The following AGAP1 variants were observed in gnomAD, a reference collection of about 807,000 sequenced individuals.
AGAP1 encodes the protein ArfGAP with GTPase domain, ankyrin repeat and PH domain 1, also known as arf-GAP with GTPase, ANK repeat and PH domain-containing protein 1.
AGAP1 carries 29 observed loss-of-function variants against 105.3 expected under a neutral mutation model. That is an observed-to-expected ratio of 0.28 (90% CI 0.21 to 0.38). The LOEUF (loss-of-function observed/expected upper bound fraction) is 0.38, where lower values mean the gene tolerates loss of function less well. Among genes scored for constraint, AGAP1 ranks in the 10% least tolerant of loss-of-function variants. The pLI, the probability that AGAP1 is intolerant of heterozygous loss-of-function variation, is 1.00. For missense variants in AGAP1, 998 were observed against 1,165.1 expected (o/e 0.86, Z 2.09); for synonymous variants, 509 against 485.9 (o/e 1.05, Z -0.63).
Position 235,799,372 on chromosome 2 carries a change from T to C in AGAP1, c.807T>C (p.Ser269=). 6.2e-7 allele frequency: 1 copy of C among 1,614,024 alleles called. No homozygotes were observed. Among genetic ancestry groups the C allele is most frequent in the Non-Finnish European group, 8.5e-7 (1 of 1,179,970 alleles). Residue 269 remains serine, a synonymous_variant, in exon 8 of 18, where the codon AGT becomes AGC. Transcript: ENST00000304032. This position sits in a 1 kb window ranked among gnomAD's most constrained non-coding sequence, Gnocchi z 5.0. The part of the protein sequence containing the change: ...QVSAVHISQT[S]NGGGSLSDYS... Reference sequence around the variant, plus strand: ...TTGGATTTTAATCATTTCAGACAAGTAATGGAGGTGGGAGTTTAAGCGACT... The same window carrying C: ...TTGGATTTTAATCATTTCAGACAAGCAATGGAGGTGGGAGTTTAAGCGACT...
rs769745926 is a variant in AGAP1, at chr2:235,895,808, TC to T, written c.1155+12361del. Among the ~76,000 whole-genome samples, 169 of 152,188 alleles carry T rather than the reference TC, an allele frequency of 1.1e-3. 1 individual carries two copies. The highest frequency in any genetic ancestry group is 3.9e-4 in the East Asian group (2 of 5,160). On this transcript the variant is annotated intron_variant, in intron 10 of 17. Transcript: ENST00000304032. ...TTCCTTAAATGTGTCGGACTAGAGT[TC>T]CTAAAACCTCGTGGAAGGAATCCAC...
chr2:236,085,830 A>G (rs1400849074), intron 16 of AGAP1, among the ~76,000 whole-genome samples: 1 of 152,194 alleles, frequency 6.6e-6, no homozygotes, highest in Admixed American at 6.5e-5. Context: ...TTCCTTTGTG[A>G]AGGCAAGCCC....
At chr2:235,814,179 G>A (rs1475590485) in intron 9 of AGAP1, among the ~76,000 whole-genome samples, 2 of 152,298 alleles carry the variant, frequency 1.3e-5, no homozygotes, top group South Asian at 2.1e-4. Flanking sequence ...GCCTGTCCTC[G>A]CCTATGTCTG....
At chr2:235,704,044 C>A (rs116356456) in intron 1 of AGAP1, among the ~76,000 whole-genome samples, 1 of 152,198 alleles carries the variant, frequency 6.6e-6, no homozygotes, top group African/African-American at 2.4e-5. Flanking sequence ...ACTGTCAAAC[C>A]CATGGCTCCT....
intron 6 of AGAP1, among the ~76,000 whole-genome samples, chr2:235,759,125 C>G (rs552709009): frequency 2.0e-4 from 30 of 146,496 alleles, no homozygotes; most frequent in South Asian, 1.3e-3. Flanking sequence ...GTTTGGGAGA[C>G]ATTCTGGTGT....
intron 13 of AGAP1, among the ~76,000 whole-genome samples, chr2:236,008,616 ACT>A (rs1000187880): frequency 5.3e-5 from 8 of 151,922 alleles, no homozygotes; most frequent in Admixed American, 3.9e-4. Flanking sequence ...GGGAAAACCA[ACT>A]CTCTACCTAA....
At chr2:235,548,109 G>A (rs992547888) in intron 1 of AGAP1, among the ~76,000 whole-genome samples, 1 of 152,222 alleles carries the variant, frequency 6.6e-6, no homozygotes, top group African/African-American at 2.4e-5. Flanking sequence ...TTTAAAGCAA[G>A]AAAACAAATG....
In AGAP1 at chr2:236,095,252, C is replaced by T. The variant is rs2059163775; in HGVS notation, c.2115-24940C>T. 6.6e-6 allele frequency among the ~76,000 whole-genome samples: 1 copy of T among 151,858 alleles called. No individual in the cohort carries two copies. The highest frequency in any genetic ancestry group is 1.5e-5 in the Non-Finnish European group (1 of 68,004). Reference sequence around the variant, plus strand: ...TCTCTACAAAAAAGTTAAAAATTAGCCAGGCGTGGTTGCATGCACCTGTGG... The same window carrying T: ...TCTCTACAAAAAAGTTAAAAATTAGTCAGGCGTGGTTGCATGCACCTGTGG... On this transcript the variant is annotated intron_variant, in intron 16 of 17. Transcript: ENST00000304032. This position sits in a 1 kb window ranked among gnomAD's most constrained non-coding sequence, Gnocchi z 4.1.
Position 235,720,488 on chromosome 2 carries a change from C to T in AGAP1, c.310+2844C>T, listed in dbSNP as rs1951326268. Among the ~76,000 whole-genome samples the T allele has an allele frequency of 6.6e-6, 1 of 151,952 alleles. No homozygotes were observed. The highest frequency in any genetic ancestry group is 1.5e-5 in the Non-Finnish European group (1 of 67,996). On this transcript the variant is annotated intron_variant, in intron 3 of 17. Transcript: ENST00000304032. This position sits in a 1 kb window ranked among gnomAD's most constrained non-coding sequence, Gnocchi z 5.0. ...CCACAGTGGTGGGAGTGGTTGGCGC[C>T]CGGTTGAGGGATTGGATTTTGAGTG... is the stretch of plus-strand genomic sequence containing the variant.
At chr2:236,084,797 G>C (rs572429402) in intron 16 of AGAP1, among the ~76,000 whole-genome samples, 1 of 151,172 alleles carries the variant, frequency 6.6e-6, no homozygotes, top group African/African-American at 2.4e-5. Flanking sequence ...CCAGCTATTC[G>C]GGAGGCTGAG....
rs897774528 is a variant in AGAP1, at chr2:235,659,029, T to A, written c.164-50150T>A. ...AGCATGTACAGCACTTGCTTTCCTTTGAGAGGCCCTCCATTGTTCCCGCCC... is the reference window on the plus strand; with the variant it reads ...AGCATGTACAGCACTTGCTTTCCTTAGAGAGGCCCTCCATTGTTCCCGCCC... On this transcript the variant is annotated intron_variant, in intron 1 of 17. Transcript: ENST00000304032. The surrounding 1 kb of genome is among the most constrained non-coding windows in gnomAD (Gnocchi z 5.0). Among the ~76,000 whole-genome samples, 12 of 152,188 alleles carry A rather than the reference T, an allele frequency of 7.9e-5. No individual in the cohort carries two copies. The highest frequency in any genetic ancestry group is 2.9e-4 in the African/African-American group (12 of 41,446).
Position 236,015,340 on chromosome 2 carries a change from G to A in AGAP1, c.1646-21221G>A, listed in dbSNP as rs968671977. Among the ~76,000 whole-genome samples the A allele has an allele frequency of 2.0e-5, 3 of 152,040 alleles. No individual in the cohort carries two copies. The East Asian group carries it at 5.8e-4, about 29-fold the overall frequency. The stretch of plus-strand genomic sequence containing the variant: ...AGCATTCTCCATAATGCTCTCTGCA[G>A]CTCTAATCCACAGGCAGGCAGGCCC... On this transcript the variant is annotated intron_variant, in intron 13 of 17. Coordinates refer to ENST00000304032, the MANE Select transcript of AGAP1 (RefSeq NM_001037131.3).
At position 235,753,088 on chromosome 2, in the gene AGAP1, C is replaced by T. The variant is rs1953593818; in HGVS notation, c.673+2600C>T. Among the ~76,000 whole-genome samples the T allele has an allele frequency of 6.6e-6, 1 of 152,210 alleles. No individual in the cohort carries two copies. The highest frequency in any genetic ancestry group is 1.5e-5 in the Non-Finnish European group (1 of 68,044). ...CAGTCACCTGGCAGAGGCCCCACCTCTTATTCCCCTGGGGGTCAGGATTTC... is the reference window on the plus strand; with the variant it reads ...CAGTCACCTGGCAGAGGCCCCACCTTTTATTCCCCTGGGGGTCAGGATTTC... On this transcript the variant is annotated intron_variant, in intron 6 of 17. Transcript: ENST00000304032. This position sits in a 1 kb window ranked among gnomAD's most constrained non-coding sequence, Gnocchi z 4.5.
At position 235,496,527 on chromosome 2, in the gene AGAP1, C is replaced by T. The variant is rs146240289; in HGVS notation, c.163+1678C>T. Reference sequence around the variant, plus strand: ...TCATTTCAGATGGTTCTTCCTGGCTCTCTGGCTGCATCCACAGAAGTCTGA... The same window carrying T: ...TCATTTCAGATGGTTCTTCCTGGCTTTCTGGCTGCATCCACAGAAGTCTGA... On this transcript the variant is annotated intron_variant, in intron 1 of 17. Transcript: ENST00000304032. Among the ~76,000 whole-genome samples the T allele has an allele frequency of 2.6e-3, 389 of 152,298 alleles. 1 individual carries two copies. The highest frequency in any genetic ancestry group is 8.8e-3 in the African/African-American group (366 of 41,554).
Position 235,608,508 on chromosome 2 carries a change from C to T in AGAP1, c.164-100671C>T, listed in dbSNP as rs1176166636. Among the ~76,000 whole-genome samples the T allele has an allele frequency of 6.6e-6, 1 of 152,088 alleles. No homozygotes were observed. The highest frequency in any genetic ancestry group is 1.5e-5 in the Non-Finnish European group (1 of 68,024). ...GGTCCCATGTTGGCAGCCTCCCTGG[C>T]CCAGCGTTGGGCTGGGACCCTCTGC... On this transcript the variant is annotated intron_variant, in intron 1 of 17. Transcript: ENST00000304032. This position sits in a 1 kb window ranked among gnomAD's most constrained non-coding sequence, Gnocchi z 5.4.
chr2:235,674,169 G>C (rs943706593), intron 1 of AGAP1, among the ~76,000 whole-genome samples: 1 of 152,302 alleles, frequency 6.6e-6, no homozygotes, highest in African/African-American at 2.4e-5. Context: ...CTCTAATGCA[G>C]AACAGTTGCC....
chr2:235,944,392 T>C (rs956576797), intron 12 of AGAP1, among the ~76,000 whole-genome samples: 2 of 152,250 alleles, frequency 1.3e-5, no homozygotes, highest in South Asian at 2.1e-4. Flanking sequence ...GTAATGTTTG[T>C]AGATAAATAG....
rs1951089705 is a variant in AGAP1 at position 235,716,077 on chromosome 2, C to G, written c.223-1480C>G. 6.6e-6 allele frequency among the ~76,000 whole-genome samples: 1 copy of G among 152,156 alleles called. No homozygotes were observed. The highest frequency in any genetic ancestry group is 1.5e-5 in the Non-Finnish European group (1 of 68,032). On this transcript the variant is annotated intron_variant, in intron 2 of 17. Coordinates refer to ENST00000304032, the MANE Select transcript of AGAP1 (RefSeq NM_001037131.3). The surrounding 1 kb of genome is among the most constrained non-coding windows in gnomAD (Gnocchi z 4.0). ...GGAATAGGCAGCTTTTTTTTCCCCC[C>G]ACATCCAACCTTCTATCAATGAGTT...
intron 8 of AGAP1, 138 bp from the exon 9 acceptor site, chr2:235,807,101 G>C (rs553544712): frequency 2.4e-5 from 18 of 740,272 alleles, no homozygotes; most frequent in Non-Finnish European, 3.8e-5. Flanking sequence ...CTGTCTGCTC[G>C]TCGGACGTGT....
Sources: allele counts gnomAD v4.1 joint callset (sites outside exome capture counted in the v4.1 genomes callset), GRCh38; gene constraint gnomAD v4.1.1; non-coding constraint Gnocchi (gnomAD v3.1); transcripts MANE v1.5; gene names NCBI Gene and HGNC (gene_info 2026-07-23, HGNC 2026-07-21).